Variants in MACROD2 observed in about 807,000 individuals in gnomAD.
The protein encoded by MACROD2 is mono-ADP ribosylhydrolase 2, also known as ADP-ribose glycohydrolase MACROD2.
A neutral mutation model predicts 70.4 loss-of-function variants in MACROD2; 36 were observed. The ratio of observed to expected loss-of-function variants is 0.51; its 90% CI spans 0.39 to 0.68. The LOEUF is 0.68. Among genes scored for constraint, MACROD2 ranks in the 30% least tolerant of loss-of-function variants. The probability of loss-of-function intolerance (pLI) is 0.00; values close to 1 mark genes in which losing one functional copy is unlikely to be tolerated. For missense variants in MACROD2, 496 were observed against 538.4 expected (o/e 0.92, Z 0.78); for synonymous variants, 172 against 178.8 (o/e 0.96, Z 0.30).
intron 5 of MACROD2, among the ~76,000 whole-genome samples, chr20:14,849,509 A>G (rs1347549961): frequency 6.6e-6 from 1 of 152,114 alleles, no homozygotes; most frequent in Non-Finnish European, 1.5e-5. Context: ...AGCCAGGCAC[A>G]GTGGCTCATG....
At chr20:14,727,543 A>AAGAG (rs146243301) in intron 5 of MACROD2, among the ~76,000 whole-genome samples, 4 of 150,896 alleles carry the variant, frequency 2.7e-5, no homozygotes, top group African/African-American at 2.4e-5. Context: ...TCAAAACAGA[A>AAGAG]AGAGAGAGAG....
chr20:15,212,096 G>A (rs188670349), intron 5 of MACROD2, among the ~76,000 whole-genome samples: 96 of 152,204 alleles, frequency 6.3e-4, no homozygotes, highest in African/African-American at 2.0e-3. Flanking sequence ...TTGCATTTCC[G>A]GAAGAACTAA....
chr20:14,785,570 A>G (rs2224275), intron 5 of MACROD2, among the ~76,000 whole-genome samples: 102,821 of 151,784 alleles, frequency 0.68, 35,270 homozygotes, highest in African/African-American at 0.73. Context: ...TAGCTTACAT[A>G]CCCCCGCTCC....
intron 8 of MACROD2, among the ~76,000 whole-genome samples, chr20:15,758,797 C>G (rs1446749980): frequency 6.6e-6 from 1 of 151,764 alleles, no homozygotes; most frequent in East Asian, 2.0e-4. Context: ...CCTGTCTCGG[C>G]CTCCCAAAGT....
At chr20:14,347,824 G>A (rs112838492) in intron 3 of MACROD2, among the ~76,000 whole-genome samples, 3,235 of 152,260 alleles carry the variant, frequency 0.021, 72 homozygotes, top group African/African-American at 0.057. Context: ...GGGCCAACAT[G>A]TCCCAGCCAG....
intron 4 of MACROD2, among the ~76,000 whole-genome samples, chr20:14,522,556 T>C (rs1038430353): frequency 3.9e-5 from 6 of 152,246 alleles, no homozygotes; most frequent in African/African-American, 1.4e-4. Context: ...GTCAGAGGCC[T>C]TTGGCCTGTA....
At chr20:15,658,445 T>C (rs916893142) in intron 8 of MACROD2, among the ~76,000 whole-genome samples, 39 of 152,178 alleles carry the variant, frequency 2.6e-4, no homozygotes, top group Admixed American at 2.1e-3. Context: ...AGTATCTGTT[T>C]TCTGGGCCTC....
chr20:14,467,656 G>C (rs934060211), intron 3 of MACROD2, among the ~76,000 whole-genome samples: 1 of 151,860 alleles, frequency 6.6e-6, no homozygotes, highest in Non-Finnish European at 1.5e-5. Flanking sequence ...GTTTCTATTC[G>C]GCTATCTTGG....
At position 15,690,576 on chromosome 20, in the gene MACROD2, T is replaced by C. The variant is rs573783872; in HGVS notation, c.646-172169T>C. Among the ~76,000 whole-genome samples the C allele has an allele frequency of 8.5e-5, 13 of 152,342 alleles. No homozygotes were observed. In the South Asian group the frequency reaches 2.1e-3, roughly 24 times the overall value. ...TTGGAAGACATAGGCACATGGATGA[T>C]ATTTAAAGCCATGGGCTGAATAAAA... On this transcript the variant is annotated intron_variant, in intron 8 of 17. Transcript: ENST00000684519.
In MACROD2 at chr20:15,731,758, TA is replaced by T. The variant is rs1264806625; in HGVS notation, c.646-130986del. Among the ~76,000 whole-genome samples the T allele has an allele frequency of 5.4e-4, 29 of 53,986 alleles. 8 individuals are homozygous for T. Among genetic ancestry groups the T allele is most frequent in the African/African-American group, 1.3e-3 (25 of 18,644 alleles). 35.4% of individuals were successfully genotyped at this position (53,986 alleles called of 152,430 possible). A position where few individuals can be genotyped will look rare whatever the true frequency, so the allele number is the denominator to read the frequency against. On this transcript the variant is annotated intron_variant, in intron 8 of 17. Coordinates refer to ENST00000684519, the MANE Select transcript of MACROD2 (RefSeq NM_001351661.2). ...TTTGCAGCATTCTTTTTTTTCTTTT[TA>T]TTTTTTTTTTTTTGAGACGGAGTTT...
At chr20:16,002,648 AT>A (rs2066726600) in intron 15 of MACROD2, among the ~76,000 whole-genome samples, 1 of 152,052 alleles carries the variant, frequency 6.6e-6, no homozygotes, top group South Asian at 2.1e-4. Context: ...AATCAAACAG[AT>A]TTTTCCCCAG....
In MACROD2 at chr20:15,216,060, A is replaced by G. The variant is rs116042982; in HGVS notation, c.419-13880A>G. ...AGGAGAAAAATGTCCTGTCCTGAAT[A>G]AGGCATGGTGAAAGTTCAAAATCCC... On this transcript the variant is annotated intron_variant, in intron 5 of 17. Transcript: ENST00000684519. 8.2e-3 allele frequency among the ~76,000 whole-genome samples: 1,253 copies of G among 152,212 alleles called. 15 individuals carry two copies. Among genetic ancestry groups the G allele is most frequent in the African/African-American group, 0.029 (1,190 of 41,572 alleles).
At chr20:14,884,555 C>A (rs1382971594) in intron 5 of MACROD2, 3 of 152,122 alleles carry the variant, frequency 2.0e-5, no homozygotes, top group Non-Finnish European at 4.4e-5. Context: ...ACAAAGAAGT[C>A]ACAAATTCTG....
intron 3 of MACROD2, among the ~76,000 whole-genome samples, chr20:14,474,037 C>A (rs1005228643): frequency 6.6e-6 from 1 of 151,662 alleles, no homozygotes; most frequent in African/African-American, 2.4e-5. Flanking sequence ...TGCTTTGGAG[C>A]TGCTTGAGTT....
intron 8 of MACROD2, among the ~76,000 whole-genome samples, chr20:15,642,272 T>C (rs144398468): frequency 1.3e-5 from 2 of 152,292 alleles, no homozygotes; most frequent in Non-Finnish European, 2.9e-5. Context: ...TCTGAAAGGA[T>C]AGATAGTATC....
intron 13 of MACROD2, among the ~76,000 whole-genome samples, chr20:15,986,512 C>CA (rs1479251165): frequency 6.6e-5 from 10 of 151,536 alleles, no homozygotes; most frequent in Middle Eastern, 3.4e-3. Context: ...CATCAGTTTC[C>CA]AAAAAAAAGA....
Position 15,549,130 on chromosome 20 carries a change from G to T in MACROD2, c.645+49283G>T, listed in dbSNP as rs113613270. ...AGTTGTTGTAACTGCTAAGTTTTGG[G>T]TTAATTTGTTATGCAGCAATAATAG... On this transcript the variant is annotated intron_variant, in intron 8 of 17. Coordinates refer to ENST00000684519, the MANE Select transcript of MACROD2 (RefSeq NM_001351661.2). 1.2e-4 allele frequency among the ~76,000 whole-genome samples: 19 copies of T among 152,326 alleles called. No homozygotes were observed. In the South Asian group the frequency reaches 3.9e-3, roughly 32 times the overall value.
intron 6 of MACROD2, among the ~76,000 whole-genome samples, chr20:15,245,729 G>A (rs1417762344): frequency 6.6e-6 from 1 of 152,098 alleles, no homozygotes. Context: ...GATTTTGCTC[G>A]ACGGTTGTCT....
intron 5 of MACROD2, among the ~76,000 whole-genome samples, chr20:15,203,963 G>A (rs2076679372): frequency 6.6e-6 from 1 of 152,086 alleles, no homozygotes; most frequent in Admixed American, 6.5e-5. Flanking sequence ...GTATGTGAGT[G>A]TGAATGGTAT....
Sources: gnomAD v4.1 joint callset for allele counts (sites outside exome capture counted in the v4.1 genomes callset) on GRCh38, gnomAD v4.1.1 for gene constraint, MANE v1.5 for transcripts, NCBI Gene and HGNC (gene_info 2026-07-23, HGNC 2026-07-21) for gene names.